The following PFDN1 variants were observed in gnomAD, a reference collection of about 807,000 sequenced individuals.
PFDN1 encodes prefoldin subunit 1, also known as prefoldin 1.
In PFDN1, 6 loss-of-function variants were observed where a neutral mutation model predicts 17.3. The ratio of observed to expected loss-of-function variants is 0.35; its 90% CI spans 0.19 to 0.69. The LOEUF (loss-of-function observed/expected upper bound fraction) is 0.69. Ranked by LOEUF, PFDN1 falls within the 30% of genes least tolerant of loss-of-function variation. The pLI is 0.65. For synonymous variants in PFDN1, 58 were observed against 50.1 expected (o/e 1.16, Z -0.67); for missense variants, 113 against 146.2 (o/e 0.77, Z 1.17).
Position 140,299,595 on chromosome 5 carries a change from CAA to C in PFDN1, c.200+819_200+820del, listed in dbSNP as rs35272103. ...CTGGCAACAGAGCGAGACTCTGTCT[CAA>C]AAAAAAAAAAAAAATGTACTTTAAA... On this transcript the variant is annotated intron_variant, in intron 2 of 3. Coordinates refer to ENST00000261813, the MANE Select transcript of PFDN1 (RefSeq NM_002622.5). Among the ~76,000 whole-genome samples, 113 of 91,168 alleles carry C rather than the reference CAA, an allele frequency of 1.2e-3. No homozygotes were observed. The Middle Eastern group carries it at 0.039, about 32-fold the overall frequency. The allele number at this position is 91,168 out of a possible 152,430, so 59.8% of individuals were successfully genotyped here.
intron 3 of PFDN1, among the ~76,000 whole-genome samples, chr5:140,274,626 A>T (rs1581089928): frequency 6.6e-6 from 1 of 152,218 alleles, no homozygotes; most frequent in Non-Finnish European, 1.5e-5. Flanking sequence ...TTAAATCTAC[A>T]TAAACCGTGA....
At chr5:140,277,726 T>A (rs541639189) in intron 3 of PFDN1, among the ~76,000 whole-genome samples, 236 of 148,138 alleles carry the variant, frequency 1.6e-3, no homozygotes, top group African/African-American at 5.5e-3. Flanking sequence ...AGACCCCATC[T>A]CAAATTAAAA....
At chr5:140,269,660 T>A (rs1341647344) in intron 3 of PFDN1, among the ~76,000 whole-genome samples, 4 of 152,192 alleles carry the variant, frequency 2.6e-5, no homozygotes, top group Admixed American at 6.5e-5. Context: ...ACAAAGGAAA[T>A]TGTTTTTGTT....
chr5:140,264,222 C>G (rs1765106257), intron 3 of PFDN1, among the ~76,000 whole-genome samples: 1 of 151,844 alleles, frequency 6.6e-6, no homozygotes, highest in East Asian at 1.9e-4. Flanking sequence ...CATGAGGGAT[C>G]TGCCCTCATG....
chr5:140,295,477 C>G (rs1359382361), intron 2 of PFDN1, among the ~76,000 whole-genome samples: 18 of 152,108 alleles, frequency 1.2e-4, no homozygotes. Flanking sequence ...AGATCATTCC[C>G]CAGTTGTAAC....
At position 140,249,346 on chromosome 5, in the gene PFDN1, C is replaced by A. The variant is rs145268713; in HGVS notation, c.286-3289G>T. Among the ~76,000 whole-genome samples the A allele has an allele frequency of 1.7e-3, 264 of 151,938 alleles. 2 individuals are homozygous for A. The highest frequency in any genetic ancestry group is 6.0e-3 in the African/African-American group (251 of 41,488). On this transcript the variant is annotated intron_variant, in intron 3 of 3. Transcript: ENST00000261813. ...GTAGCTTCAAATACAAGTAGAAAAC[C>A]AAGTAGAAAACCAACACAATACCTG...
intron 3 of PFDN1, among the ~76,000 whole-genome samples, chr5:140,257,375 G>A (rs1765003924): frequency 6.6e-6 from 1 of 152,066 alleles, no homozygotes; most frequent in African/African-American, 2.4e-5. Flanking sequence ...TGCTTAAACA[G>A]CTCCAGCAGA....
intron 3 of PFDN1, among the ~76,000 whole-genome samples, chr5:140,276,848 G>A (rs1196377680): frequency 7.1e-6 from 1 of 141,684 alleles, no homozygotes; most frequent in Non-Finnish European, 1.5e-5. Context: ...CAGTATAACA[G>A]AAGGCAGAGG....
intron 2 of PFDN1, among the ~76,000 whole-genome samples, chr5:140,298,383 AG>A (rs1765684022): frequency 6.6e-6 from 1 of 152,126 alleles, no homozygotes; most frequent in South Asian, 2.1e-4. Flanking sequence ...TCTAACTAAA[AG>A]ATCTCCAAAT....
intron 2 of PFDN1, among the ~76,000 whole-genome samples, chr5:140,298,469 C>T (rs941970073): frequency 2.0e-5 from 3 of 151,424 alleles, no homozygotes; most frequent in Admixed American, 6.6e-5. Flanking sequence ...GTACCTCCCC[C>T]CAACTTAAAA....
intron 2 of PFDN1, among the ~76,000 whole-genome samples, chr5:140,291,680 A>T (rs1306201865): frequency 6.8e-6 from 1 of 146,172 alleles, no homozygotes; most frequent in Non-Finnish European, 1.5e-5. Context: ...AAAAAAAAAG[A>T]AAAAAAAAAT....
Position 140,266,251 on chromosome 5 carries a change from C to T in PFDN1, c.285+15198G>A, listed in dbSNP as rs577732096. Among the ~76,000 whole-genome samples, 8 of 152,284 alleles carry T rather than the reference C, an allele frequency of 5.3e-5. No homozygotes were observed. The East Asian group carries it at 1.5e-3, about 29-fold the overall frequency. ...CCTTGGTTCTACCTTAAAATACATC[C>T]AGAGTCTGATCACCTCCACTGTCAC... On this transcript the variant is annotated intron_variant, in intron 3 of 3. Coordinates refer to ENST00000261813, the MANE Select transcript of PFDN1 (RefSeq NM_002622.5).
intron 3 of PFDN1, among the ~76,000 whole-genome samples, chr5:140,279,995 C>CAAAAAAAAAAAAAAAAAAAAA (rs772575762): frequency 5.4e-4 from 17 of 31,256 alleles, no homozygotes; most frequent in African/African-American, 1.1e-3. Context: ...AACTCCGTCT[C>CAAAAAAAAAAAAAAAAAAAAA]AAAAAAAAAA....
intron 3 of PFDN1, among the ~76,000 whole-genome samples, chr5:140,252,879 C>G (rs369055834): frequency 1.1e-3 from 169 of 152,330 alleles, no homozygotes; most frequent in South Asian, 2.7e-3. Context: ...TGCCCTGAGC[C>G]GCCAGCCTGG....
chr5:140,267,162 G>A (rs949415704), intron 3 of PFDN1, among the ~76,000 whole-genome samples: 34 of 151,904 alleles, frequency 2.2e-4, no homozygotes, highest in Admixed American at 2.0e-3. Flanking sequence ...CACATGCTGC[G>A]GTGTGGGTTA....
intron 3 of PFDN1, among the ~76,000 whole-genome samples, chr5:140,275,164 T>G (rs1158519109): frequency 6.6e-6 from 1 of 152,012 alleles, no homozygotes; most frequent in African/African-American, 2.4e-5. Flanking sequence ...ATCCCAGCAC[T>G]TTGGGAGGCC....
At chr5:140,286,281 G>T (rs1005789388) in intron 2 of PFDN1, among the ~76,000 whole-genome samples, 1 of 150,908 alleles carries the variant, frequency 6.6e-6, no homozygotes, top group Non-Finnish European at 1.5e-5. Context: ...GTGTGGTGGC[G>T]GGTGCCTGTA....
At chr5:140,258,868 A>G (rs1345743462) in intron 3 of PFDN1, among the ~76,000 whole-genome samples, 1 of 152,214 alleles carries the variant, frequency 6.6e-6, no homozygotes, top group Non-Finnish European at 1.5e-5. Flanking sequence ...TTGGCTCTGG[A>G]GTTCATGGAA....
chr5:140,255,536 G>A (rs1764973461), intron 3 of PFDN1, among the ~76,000 whole-genome samples: 1 of 152,174 alleles, frequency 6.6e-6, no homozygotes, highest in African/African-American at 2.4e-5. Flanking sequence ...CTACTCAGAA[G>A]GCTAAGGCAG....
Sources: gnomAD v4.1 joint callset for allele counts (sites outside exome capture counted in the v4.1 genomes callset) on GRCh38, gnomAD v4.1.1 for gene constraint, MANE v1.5 for transcripts, NCBI Gene and HGNC (gene_info 2026-07-23, HGNC 2026-07-21) for gene names.